CCDC9: variants seen among roughly 807,000 people sequenced by gnomAD.
The protein encoded by CCDC9 is coiled-coil domain-containing protein 9.
In CCDC9, 52 loss-of-function variants were observed where a neutral mutation model predicts 65.6. The ratio of observed to expected loss-of-function variants is 0.79; its 90% confidence interval spans 0.63 to 1.00. The LOEUF is 1.00. Ranked by LOEUF, CCDC9 falls within the 50% of genes least tolerant of loss-of-function variation. The pLI is 0.00. For synonymous variants in CCDC9, 332 were observed against 280.3 expected (o/e 1.18, Z -1.84); for missense variants, 834 against 757.2 (o/e 1.10, Z -1.19).
At chr19:47,272,250 A>T (rs1044628052), downstream of CCDC9, 2 of 867,496 alleles carry the variant, frequency 2.3e-6, no homozygotes, top group Non-Finnish European at 3.1e-6. Flanking sequence ...GAGTGGGGTG[A>T]ATGTGTGTAG....
At chr19:47,274,713 C>T (rs1305272246), downstream of CCDC9, 1 of 226,890 alleles carries the variant, frequency 4.4e-6, no homozygotes, top group Non-Finnish European at 7.5e-6. Flanking sequence ...CGGGGTAGCA[C>T]CTCCGCCTGT....
chr19:47,263,089 G>C (rs2059056350), intron 5 of CCDC9, among the ~76,000 whole-genome samples: 2 of 150,394 alleles, frequency 1.3e-5, no homozygotes, highest in African/African-American at 2.5e-5. Flanking sequence ...AACAGAGTAA[G>C]ACCCTGTCTC....
chr19:47,269,762 A>G (rs2059103639), intron 8 of CCDC9, among the ~76,000 whole-genome samples: 2 of 152,330 alleles, frequency 1.3e-5, no homozygotes, highest in South Asian at 4.1e-4. Flanking sequence ...GCCCTGAGGC[A>G]GGAGCTAGGT....
intron 5 of CCDC9, among the ~76,000 whole-genome samples, chr19:47,261,175 C>T (rs1161722091): frequency 2.6e-5 from 4 of 152,086 alleles, no homozygotes; most frequent in Non-Finnish European, 4.4e-5. Context: ...CCCTGTCCCT[C>T]TCTGTCTCCC....
intron 1 of CCDC9, 131 bp downstream of exon 1, chr19:47,256,740 G>A (rs1475593540): frequency 6.8e-6 from 1 of 147,166 alleles, no homozygotes; most frequent in Admixed American, 6.8e-5. Context: ...ACGCCCACAT[G>A]GGAAGCTGGA....
rs1407548844 is a variant in CCDC9 at position 47,271,924 on chromosome 19, C to G, written c.*246C>G. 3 of 1,301,278 alleles carry G rather than the reference C, an allele frequency of 2.3e-6. No homozygotes were observed. Among genetic ancestry groups the G allele is most frequent in the Non-Finnish European group, 2.9e-6 (3 of 1,027,008 alleles). 80.6% of individuals were successfully genotyped at this position (1,301,278 alleles called of 1,614,324 possible). A position where few individuals can be genotyped will look rare whatever the true frequency, so the allele number is the denominator to read the frequency against. ...GAGCCTGCCCCAGCCCTTCGAGCCCCCTCCCCAATAAAGAATTCACATCCT... is the reference window on the plus strand; with the variant it reads ...GAGCCTGCCCCAGCCCTTCGAGCCCGCTCCCCAATAAAGAATTCACATCCT... On this transcript the variant is annotated 3_prime_UTR_variant, in exon 12 of 12. Transcript: ENST00000221922.
chr19:47,260,236 A>C, intron 3 of CCDC9, 85 bp from the exon 4 acceptor site: 1 of 967,618 alleles, frequency 1.0e-6, no homozygotes, highest in Non-Finnish European at 1.6e-6. Context: ...GGCTGGGGCC[A>C]GACTTAGGAG....
intron 7 of CCDC9, chr19:47,266,326 T>C: frequency 2.6e-6 from 1 of 377,658 alleles, no homozygotes; most frequent in Non-Finnish European, 4.7e-6. Flanking sequence ...GCCCCTGCCT[T>C]GATGAGGTTT....
intron 8 of CCDC9, among the ~76,000 whole-genome samples, chr19:47,267,950 C>A (rs546475679): frequency 6.6e-6 from 1 of 151,994 alleles, no homozygotes; most frequent in Non-Finnish European, 1.5e-5. Flanking sequence ...TGGGTTCAAG[C>A]GATTTTCCTG....
chr19:47,262,090 T>G (rs2059049684), intron 5 of CCDC9, among the ~76,000 whole-genome samples: 1 of 151,978 alleles, frequency 6.6e-6, no homozygotes, highest in African/African-American at 2.4e-5. Context: ...CTCCAAAAAT[T>G]TCATGACCTA....
In CCDC9 at chr19:47,260,340, A is replaced by C; in HGVS notation, c.128A>C (p.Lys43Thr). The change falls in exon 4 of 12, where the codon AAG becomes ACG. Residue 43 changes from lysine (K) to threonine (T), a missense_variant. Transcript: ENST00000221922. Reference sequence around the variant, plus strand: ...TCCTAGGAGATTGAGGAAGACCGTAAGAAAGCTGAACTTGAGGGAGTCGCA... The same window carrying C: ...TCCTAGGAGATTGAGGAAGACCGTACGAAAGCTGAACTTGAGGGAGTCGCA... ...RRYQEIEEDR[K>T]KAELEGVAVT... 2 of 1,595,584 alleles carry C rather than the reference A, an allele frequency of 1.3e-6. No homozygotes were observed. Among genetic ancestry groups the C allele is most frequent in the African/African-American group, 1.3e-5 (1 of 74,644 alleles).
chr19:47,263,913 C>G (rs1389192211), intron 5 of CCDC9, among the ~76,000 whole-genome samples: 1 of 143,016 alleles, frequency 7.0e-6, no homozygotes, highest in Admixed American at 7.0e-5. Flanking sequence ...GAGTCCTACT[C>G]TGTTGCCCAG....
At chr19:47,273,638 G>T, downstream of CCDC9, 1 of 393,552 alleles carries the variant, frequency 2.5e-6, no homozygotes, top group Admixed American at 4.4e-5. Context: ...CCACCAACGG[G>T]GGACGTCACG....
chr19:47,260,883 T>C (rs767248560), intron 5 of CCDC9, 44 bp downstream of exon 5: 1 of 1,579,724 alleles, frequency 6.3e-7, no homozygotes, highest in South Asian at 1.2e-5. Flanking sequence ...AGGTTCTCTG[T>C]TGTCTGTTTC....
At position 47,258,363 on chromosome 19, in the gene CCDC9, G is replaced by A. The variant is rs1455607789; in HGVS notation, c.-38G>A. ...AGTGCTGCGTCTAGATTCTGCAGGGGAGGTTTGCTGGGACCTTGGCTCCAC... is the reference window on the plus strand; with the variant it reads ...AGTGCTGCGTCTAGATTCTGCAGGGAAGGTTTGCTGGGACCTTGGCTCCAC... On this transcript the variant is annotated 5_prime_UTR_variant, in exon 2 of 12. Coordinates refer to ENST00000221922, the MANE Select transcript of CCDC9 (RefSeq NM_015603.3). The A allele has an allele frequency of 6.2e-7, 1 of 1,613,036 alleles. No individual in the cohort carries two copies. The highest frequency in any genetic ancestry group is 1.1e-5 in the South Asian group (1 of 91,068).
downstream of CCDC9, chr19:47,273,866 C>G: frequency 7.5e-6 from 4 of 536,130 alleles, no homozygotes; most frequent in Non-Finnish European, 9.5e-6. Flanking sequence ...AGGGGGCAGG[C>G]TGGGTCGCTG....
At chr19:47,257,439 T>G (rs1600273673) in intron 1 of CCDC9, 1 of 142,542 alleles carries the variant, frequency 7.0e-6, no homozygotes, top group African/African-American at 2.6e-5. Context: ...GGGCCAGAAG[T>G]CTGGCGGGAA....
chr19:47,274,000 G>C, downstream of CCDC9: 1 of 984,200 alleles, frequency 1.0e-6, no homozygotes, highest in Non-Finnish European at 1.2e-6. Flanking sequence ...TGCTGGGAGG[G>C]GACTGAAGCT....
At position 47,271,432 on chromosome 19, in the gene CCDC9, C is replaced by G; in HGVS notation, c.1350C>G (p.His450Gln). Residue 450 changes from histidine to glutamine, a missense_variant, in exon 12 of 12, where the codon CAC becomes CAG. His to Gln is a conservative substitution (Grantham distance 24, BLOSUM62 0). Transcript: ENST00000221922. ...EGDEEEPAQD[H>Q]QAPEAAPTGI... ...ATGAGGAGGAACCAGCCCAAGACCA[C>G]CAAGCCCCAGAGGCTGCCCCCACCG... 1 of 1,613,976 alleles carries G rather than the reference C, an allele frequency of 6.2e-7. No individual in the cohort carries two copies. Among genetic ancestry groups the G allele is most frequent in the Non-Finnish European group, 8.5e-7 (1 of 1,179,980 alleles).
Sources: allele counts gnomAD v4.1 joint callset (sites outside exome capture counted in the v4.1 genomes callset), GRCh38; gene constraint gnomAD v4.1.1; transcripts MANE v1.5; gene names NCBI Gene and HGNC (gene_info 2026-07-23, HGNC 2026-07-21).